Variants in WDR70 observed in about 807,000 individuals in gnomAD.
The protein encoded by WDR70 is WD repeat-containing protein 70.
WDR70 carries 53 observed loss-of-function variants against 88.6 expected under a neutral mutation model. The observed-to-expected ratio is 0.60, with a 90% CI of 0.48 to 0.75. The LOEUF (loss-of-function observed/expected upper bound fraction) is 0.75. Among genes scored for constraint, WDR70 ranks in the 30% least tolerant of loss-of-function variants. The pLI, the probability that WDR70 is intolerant of heterozygous loss-of-function variation, is 0.00. For synonymous variants in WDR70, 280 were observed against 270.0 expected (o/e 1.04, Z -0.36); for missense variants, 610 against 823.2 (o/e 0.74, Z 3.17).
intron 7 of WDR70, among the ~76,000 whole-genome samples, chr5:37,456,678 T>C (rs1042832023): frequency 2.6e-5 from 4 of 152,174 alleles, no homozygotes; most frequent in Admixed American, 2.6e-4. Flanking sequence ...TATTTTTATA[T>C]GACATAACAA....
intron 17 of WDR70, among the ~76,000 whole-genome samples, chr5:37,734,901 C>T (rs757981613): frequency 2.6e-5 from 4 of 152,050 alleles, no homozygotes; most frequent in African/African-American, 9.7e-5. Flanking sequence ...ATCTTTGATA[C>T]GACCGTTATA....
intron 7 of WDR70, among the ~76,000 whole-genome samples, chr5:37,473,644 T>C (rs1739395418): frequency 1.3e-5 from 2 of 152,198 alleles, no homozygotes; most frequent in African/African-American, 4.8e-5. Flanking sequence ...GCGCCTGGCC[T>C]TACATTCTTA....
intron 9 of WDR70, among the ~76,000 whole-genome samples, chr5:37,557,192 A>C (rs112800941): frequency 6.6e-6 from 1 of 151,976 alleles, no homozygotes; most frequent in African/African-American, 2.4e-5. Flanking sequence ...CAAAACAGCA[A>C]AGTTAGTGCT....
chr5:37,537,337 G>T (rs1741694849), intron 9 of WDR70, among the ~76,000 whole-genome samples: 1 of 152,180 alleles, frequency 6.6e-6, no homozygotes, highest in South Asian at 2.1e-4. Flanking sequence ...AAGTGGGAAG[G>T]AGAGGCAAAG....
chr5:37,630,905 A>G (rs1367725355), intron 10 of WDR70, among the ~76,000 whole-genome samples: 1 of 152,146 alleles, frequency 6.6e-6, no homozygotes, highest in Non-Finnish European at 1.5e-5. Context: ...AAACTGCATG[A>G]ATTCCTGGCA....
At chr5:37,664,407 G>A (rs1581475909) in intron 10 of WDR70, among the ~76,000 whole-genome samples, 2 of 152,288 alleles carry the variant, frequency 1.3e-5, no homozygotes, top group East Asian at 3.9e-4. Context: ...AAAGTAAGGT[G>A]CTATTTCACA....
chr5:37,737,873 C>T (rs753049715), intron 17 of WDR70, among the ~76,000 whole-genome samples: 2 of 151,964 alleles, frequency 1.3e-5, no homozygotes, highest in Non-Finnish European at 2.9e-5. Context: ...TCCATCTTCA[C>T]AGTCTTTGAA....
chr5:37,610,126 C>T (rs959344265), intron 10 of WDR70, among the ~76,000 whole-genome samples: 5 of 151,970 alleles, frequency 3.3e-5, no homozygotes, highest in Admixed American at 2.0e-4. Context: ...ATTAGCTGGG[C>T]GTGGTGGCAG....
Position 37,466,579 on chromosome 5 carries a change from G to A in WDR70, c.687-13255G>A, listed in dbSNP as rs537819346. ...AAATTAGCCGGGCATGGTGGCGGGC[G>A]CCTGTAGTCCCAGCTACTCAGGAGG... On this transcript the variant is annotated intron_variant, in intron 7 of 17. Transcript: ENST00000265107. Among the ~76,000 whole-genome samples the A allele has an allele frequency of 1.3e-3, 198 of 151,788 alleles. 1 individual carries two copies. The highest frequency in any genetic ancestry group is 4.6e-3 in the African/African-American group (191 of 41,398).
intron 9 of WDR70, among the ~76,000 whole-genome samples, chr5:37,518,307 A>AT (rs1001334700): frequency 6.9e-4 from 101 of 145,908 alleles, no homozygotes; most frequent in Admixed American, 8.2e-4. Context: ...CATTCTTTCT[A>AT]TTTTTTTTTT....
chr5:37,467,869 C>G (rs191139623), intron 7 of WDR70, among the ~76,000 whole-genome samples: 2 of 151,908 alleles, frequency 1.3e-5, no homozygotes, highest in African/African-American at 4.8e-5. Flanking sequence ...CGCCCGCCAC[C>G]GCGCCCAGCT....
chr5:37,633,876 A>T (rs1266604997), intron 10 of WDR70, among the ~76,000 whole-genome samples: 1 of 152,166 alleles, frequency 6.6e-6, no homozygotes, highest in Non-Finnish European at 1.5e-5. Context: ...CCTGAAACAT[A>T]TAGGGCTGTG....
chr5:37,489,514 C>T (rs1457505476), intron 8 of WDR70, among the ~76,000 whole-genome samples: 10 of 152,160 alleles, frequency 6.6e-5, no homozygotes, highest in African/African-American at 7.2e-5. Context: ...GCTGAGCAAC[C>T]TTGTCCTCCA....
At chr5:37,434,316 T>C (rs1271974901) in intron 5 of WDR70, among the ~76,000 whole-genome samples, 1 of 152,148 alleles carries the variant, frequency 6.6e-6, no homozygotes, top group Non-Finnish European at 1.5e-5. Flanking sequence ...AGATGAGATT[T>C]TGGGTGGGGT....
chr5:37,384,218 G>A lies in WDR70; in HGVS notation c.175+2533G>A, dbSNP rs182217994. On this transcript the variant is annotated intron_variant, in intron 3 of 17. Transcript: ENST00000265107. ...TTATTTGAGACAGGGTCTCACTGCT[G>A]TTGCTTAGACAGGTGTGCAGTGGCA... Among the ~76,000 whole-genome samples the A allele has an allele frequency of 8.7e-4, 105 of 120,378 alleles. 1 individual carries two copies. The highest frequency in any genetic ancestry group is 3.2e-3 in the African/African-American group (98 of 30,778). The allele number at this position is 120,378 out of a possible 152,430, so 79.0% of individuals were successfully genotyped here.
At chr5:37,557,959 T>TTTGAA in intron 9 of WDR70, among the ~76,000 whole-genome samples, 2 of 146,616 alleles carry the variant, frequency 1.4e-5, no homozygotes, top group Non-Finnish European at 3.0e-5. Flanking sequence ...AAAAGAGTAT[T>TTTGAA]ATGTATATTT....
chr5:37,392,184 T>G (rs1005899903), intron 4 of WDR70, 64 bp downstream of exon 4: 31 of 1,532,172 alleles, frequency 2.0e-5, no homozygotes, highest in Middle Eastern at 2.0e-4. Context: ...AGAGTTTTTT[T>G]TTTTTTTTTT....
At chr5:37,432,969 G>T (rs1038321606) in intron 5 of WDR70, among the ~76,000 whole-genome samples, 3 of 151,980 alleles carry the variant, frequency 2.0e-5, no homozygotes, top group Non-Finnish European at 2.9e-5. Flanking sequence ...TAAGATTTGC[G>T]CAAATTTTCT....
rs11339547 is a variant in WDR70, at chr5:37,414,784, CT to C, written c.492+18225del. Among the ~76,000 whole-genome samples the C allele has an allele frequency of 9.9e-3, 1,459 of 146,930 alleles. 27 individuals carry two copies. Among genetic ancestry groups the C allele is most frequent in the African/African-American group, 0.032 (1,310 of 40,408 alleles). On this transcript the variant is annotated intron_variant, in intron 5 of 17. Transcript: ENST00000265107. ...AGCTTCTGATCTAGTCACAATTATT[CT>C]TTTTTTTTTTATTTTTATTGATCAT...
Sources: gnomAD v4.1 joint callset for allele counts (sites outside exome capture counted in the v4.1 genomes callset) on GRCh38, gnomAD v4.1.1 for gene constraint, MANE v1.5 for transcripts, NCBI Gene and HGNC (gene_info 2026-07-23, HGNC 2026-07-21) for gene names.